Variants in NRXN3 observed in about 807,000 individuals in gnomAD.
NRXN3 encodes the protein neurexin III.
Under a neutral mutation model 137.6 loss-of-function variants are expected in NRXN3, and 32 were observed. The ratio of observed to expected loss-of-function variants is 0.23; its 90% CI spans 0.18 to 0.31. NRXN3 has a LOEUF of 0.31. Among genes scored for constraint, NRXN3 ranks in the 10% least tolerant of loss-of-function variants. The probability of loss-of-function intolerance (pLI) is 1.00; values close to 1 mark genes in which losing one functional copy is unlikely to be tolerated. For synonymous variants in NRXN3, 798 were observed against 784.5 expected, an observed-to-expected ratio of 1.02 and a Z score of -0.29; for missense variants, 1,574 against 2,062.5, an observed-to-expected ratio of 0.76 and a Z score of 4.59.
At chr14:79,857,377 A>G (rs1488641065) in intron 20 of NRXN3, among the ~76,000 whole-genome samples, 1 of 151,992 alleles carries the variant, frequency 6.6e-6, no homozygotes, top group African/African-American at 2.4e-5. Flanking sequence ...GCCAGCCACT[A>G]TGCCTGGCTA....
chr14:78,619,777 A>C (rs28577120), intron 4 of NRXN3, among the ~76,000 whole-genome samples: 19,980 of 152,042 alleles, frequency 0.13, 2,312 homozygotes, highest in African/African-American at 0.31. Context: ...TGAGTCAATT[A>C]AACCTCTTTC....
chr14:78,222,352 A>ACACC (rs2063947598), intron 1 of NRXN3, among the ~76,000 whole-genome samples: 1 of 152,112 alleles, frequency 6.6e-6, no homozygotes, highest in African/African-American at 2.4e-5. Context: ...ACACACACAC[A>ACACC]CACAGCTGCT....
Position 78,317,910 on chromosome 14 carries a change from T to A in NRXN3, c.757+20050T>A, listed in dbSNP as rs536776514. On this transcript the variant is annotated intron_variant, in intron 4 of 20. Transcript: ENST00000335750. The stretch of plus-strand genomic sequence containing the variant: ...GTATAATTGAAAATGCACTAAAGAG[T>A]TGGTTTTCCTCCTACAGTATATTGG... Among the ~76,000 whole-genome samples the A allele has an allele frequency of 3.4e-3, 515 of 152,130 alleles. 2 individuals carry two copies. Among genetic ancestry groups the A allele is most frequent in the Non-Finnish European group, 5.7e-3 (385 of 67,990 alleles).
intron 1 of NRXN3, among the ~76,000 whole-genome samples, chr14:78,221,854 C>T (rs923878987): frequency 6.6e-6 from 1 of 152,168 alleles, no homozygotes; most frequent in Non-Finnish European, 1.5e-5. Context: ...GTCACACCCA[C>T]TAATATTTCC....
intron 16 of NRXN3, among the ~76,000 whole-genome samples, chr14:79,534,245 A>G (rs2097193058): frequency 1.3e-5 from 2 of 152,184 alleles, no homozygotes; most frequent in Admixed American, 6.5e-5. Context: ...TACTTGGTTT[A>G]GCTGCCCAAT....
At chr14:78,305,482 G>A (rs560530629) in intron 4 of NRXN3, among the ~76,000 whole-genome samples, 2 of 152,148 alleles carry the variant, frequency 1.3e-5, no homozygotes, top group East Asian at 3.9e-4. Flanking sequence ...TTCTAATGCT[G>A]AGCTAATCAA....
Position 79,663,891 on chromosome 14 carries a change from C to T in NRXN3, c.3558C>T (p.Asn1186=), listed in dbSNP as rs755216631. The T allele has an allele frequency of 2.2e-5, 35 of 1,613,470 alleles. No homozygotes were observed. Among genetic ancestry groups the T allele is most frequent in the Admixed American group, 8.3e-5 (5 of 59,920 alleles). The change falls in exon 17 of 21, where the codon AAC becomes AAT. Residue 1186 remains asparagine (N), a synonymous_variant. Transcript: ENST00000335750. ...ACCATGTGGTACGCTTCACCAGGAA[C>T]GGCGGCAACGCCACCCTGCAGGTGG... The part of the protein sequence containing the change: ...GKYHVVRFTR[N]GGNATLQVDN...
At chr14:78,399,364 A>G (rs1434829616) in intron 4 of NRXN3, among the ~76,000 whole-genome samples, 1 of 152,242 alleles carries the variant, frequency 6.6e-6, no homozygotes, top group Non-Finnish European at 1.5e-5. Context: ...ACAAGCATGT[A>G]TACTCTATTC....
chr14:79,666,781 A>G (rs548786754), intron 17 of NRXN3, among the ~76,000 whole-genome samples: 1 of 152,210 alleles, frequency 6.6e-6, no homozygotes, highest in African/African-American at 2.4e-5. Context: ...TGAGGTGTTG[A>G]GTTCAAAATC....
chr14:79,575,144 G>C (rs1362462874), intron 16 of NRXN3, among the ~76,000 whole-genome samples: 1 of 152,140 alleles, frequency 6.6e-6, no homozygotes, highest in Admixed American at 6.6e-5. Flanking sequence ...ATTTCTCACT[G>C]GAATTAGTAT....
chr14:79,784,398 A>G (rs2099122898), intron 19 of NRXN3, among the ~76,000 whole-genome samples: 1 of 152,162 alleles, frequency 6.6e-6, no homozygotes, highest in Non-Finnish European at 1.5e-5. Flanking sequence ...TTTAAAAGGT[A>G]CTGGGTTTAT....
At chr14:79,422,355 GC>G (rs2095590780) in intron 15 of NRXN3, among the ~76,000 whole-genome samples, 1 of 152,020 alleles carries the variant, frequency 6.6e-6, no homozygotes, top group Non-Finnish European at 1.5e-5. Flanking sequence ...GAGCCACCAG[GC>G]CCAGCCCATG....
At chr14:79,469,186 G>A (rs1339417062) in intron 16 of NRXN3, among the ~76,000 whole-genome samples, 1 of 152,176 alleles carries the variant, frequency 6.6e-6, no homozygotes, top group Non-Finnish European at 1.5e-5. Flanking sequence ...GCACAGACAT[G>A]AGCATCTTTT....
chr14:78,269,095 C>T (rs143975385), intron 2 of NRXN3, among the ~76,000 whole-genome samples: 16 of 152,288 alleles, frequency 1.1e-4, no homozygotes, highest in African/African-American at 3.8e-4. Context: ...TGGTCATGTA[C>T]TTACTGTCAT....
rs373513855 is a variant in NRXN3, at chr14:79,501,301, G to T, written c.3444+33899G>T. Among the ~76,000 whole-genome samples, 16 of 151,768 alleles carry T rather than the reference G, an allele frequency of 1.1e-4. No individual in the cohort carries two copies. In the East Asian group the frequency reaches 3.1e-3, roughly 29 times the overall value. ...ATTTCCATTGCCCCCTCCCTCCCCC[G>T]CTTCTACTATGAGAGACCGAGATCC... On this transcript the variant is annotated intron_variant, in intron 16 of 20. Transcript: ENST00000335750.
chr14:78,350,791 A>G (rs529367299), intron 4 of NRXN3, among the ~76,000 whole-genome samples: 2 of 152,236 alleles, frequency 1.3e-5, no homozygotes, highest in African/African-American at 2.4e-5. Context: ...CAATGTAGAC[A>G]TATTTAGGGT....
intron 1 of NRXN3, among the ~76,000 whole-genome samples, chr14:78,233,372 C>T (rs1021173668): frequency 6.6e-6 from 1 of 152,152 alleles, no homozygotes; most frequent in African/African-American, 2.4e-5. Context: ...TTATGCCCTA[C>T]TTGTCCTTCA....
chr14:78,204,713 G>A (rs987527796), intron 1 of NRXN3, among the ~76,000 whole-genome samples: 1 of 152,120 alleles, frequency 6.6e-6, no homozygotes, highest in Non-Finnish European at 1.5e-5. Flanking sequence ...TGGCATAATT[G>A]TGCTTTTTCT....
intron 15 of NRXN3, among the ~76,000 whole-genome samples, chr14:79,180,256 A>G (rs1437098565): frequency 6.6e-6 from 1 of 152,170 alleles, no homozygotes; most frequent in Non-Finnish European, 1.5e-5. Flanking sequence ...TAGCAATGAA[A>G]GAAGGCCTAT....
Sources: gnomAD v4.1 joint callset for allele counts (sites outside exome capture counted in the v4.1 genomes callset) on GRCh38, gnomAD v4.1.1 for gene constraint, MANE v1.5 for transcripts, NCBI Gene and HGNC (gene_info 2026-07-23, HGNC 2026-07-21) for gene names.